The following RGS12 variants were observed in gnomAD, a reference collection of about 807,000 sequenced individuals.
The protein encoded by RGS12 is regulator of G-protein signaling 12.
RGS12 carries 66 observed loss-of-function variants against 120.1 expected under a neutral mutation model. That is an observed-to-expected ratio of 0.55 (90% CI 0.45 to 0.67). The LOEUF is 0.67. RGS12 is among the 30% of genes least tolerant of loss of function. RGS12 has a pLI of 0.00. For synonymous variants in RGS12, 827 were observed against 804.7 expected (o/e 1.03, Z -0.47); for missense variants, 1,859 against 1,957.7 (o/e 0.95, Z 0.95).
Position 3,433,113 on chromosome 4 carries a change from T to C in RGS12, c.4114+2158T>C, listed in dbSNP as rs1470838963. Among the ~76,000 whole-genome samples the C allele has an allele frequency of 6.6e-6, 1 of 152,216 alleles. No individual in the cohort carries two copies. The highest frequency in any genetic ancestry group is 2.4e-5 in the African/African-American group (1 of 41,454). ...GTGGCCTGATGGAACCTCTTTCACA[T>C]CTGTGGGCCGGGGCGAGCCTGGACT... On this transcript the variant is annotated intron_variant, in intron 17 of 17. Coordinates refer to ENST00000336727, the MANE Select transcript of RGS12 (RefSeq NM_001394154.1). The surrounding 1 kb of genome is among the most constrained non-coding windows in gnomAD (Gnocchi z 4.4).
At chr4:3,336,956 A>T (rs781581154) in intron 2 of RGS12, among the ~76,000 whole-genome samples, 14 of 151,680 alleles carry the variant, frequency 9.2e-5, no homozygotes, top group East Asian at 5.8e-4. Context: ...AAATTAAAAT[A>T]AAAAAAAATG....
chr4:3,337,870 T>C (rs1312965640), intron 2 of RGS12, among the ~76,000 whole-genome samples: 1 of 152,200 alleles, frequency 6.6e-6, no homozygotes, highest in Non-Finnish European at 1.5e-5. Flanking sequence ...ATAAATATTT[T>C]GAAAGTTTAA....
intron 3 of RGS12, among the ~76,000 whole-genome samples, chr4:3,363,818 A>G (rs1394310887): frequency 6.6e-6 from 1 of 152,100 alleles, no homozygotes; most frequent in East Asian, 1.9e-4. Flanking sequence ...CCCAGGGGTC[A>G]GGGACTGGAA....
chr4:3,306,781 C>T (rs537896117), intron 1 of RGS12, among the ~76,000 whole-genome samples: 33 of 152,038 alleles, frequency 2.2e-4, no homozygotes, highest in African/African-American at 5.8e-4. Context: ...TCCTGGGGGA[C>T]GCTGGTGGGT....
intron 17 of RGS12, 144 bp downstream of exon 17, chr4:3,431,099 C>T (rs1206317136): frequency 6.9e-7 from 1 of 1,442,326 alleles, no homozygotes; most frequent in Non-Finnish European, 9.1e-7. Flanking sequence ...TTGGGGGCTT[C>T]CTTGGCCCTC....
At chr4:3,358,887 TC>T (rs1397178775) in intron 3 of RGS12, among the ~76,000 whole-genome samples, 6 of 81,384 alleles carry the variant, frequency 7.4e-5, no homozygotes, top group African/African-American at 2.4e-4. Context: ...CTCTCCTTCC[TC>T]CCCCTTCTCC....
At chr4:3,312,682 CT>C (rs1724482160) in intron 1 of RGS12, 1 of 225,970 alleles carries the variant, frequency 4.4e-6, no homozygotes, top group Admixed American at 4.5e-5. Flanking sequence ...GATCACGGTG[CT>C]GCTGAGATTC....
rs550487744 is a variant in RGS12 at position 3,433,505 on chromosome 4, C to T, written c.4114+2550C>T. Among the ~76,000 whole-genome samples the T allele has an allele frequency of 1.3e-4, 20 of 151,558 alleles. No individual in the cohort carries two copies. Among genetic ancestry groups the T allele is most frequent in the Admixed American group, 6.6e-4 (10 of 15,240 alleles). On this transcript the variant is annotated intron_variant, in intron 17 of 17. Coordinates refer to ENST00000336727, the MANE Select transcript of RGS12 (RefSeq NM_001394154.1). This position sits in a 1 kb window ranked among gnomAD's most constrained non-coding sequence, Gnocchi z 4.4. ...CCACCCCATCCTAGCCCCAGCACCA[C>T]GTGCCATGCCACCCTGTCCTAGCCC...
At chr4:3,353,320 G>A (rs1714549732) in intron 3 of RGS12, among the ~76,000 whole-genome samples, 1 of 152,198 alleles carries the variant, frequency 6.6e-6, no homozygotes, top group African/African-American at 2.4e-5. Context: ...TCCTAGATCA[G>A]TGTGTGCACA....
chr4:3,370,541 C>G (rs556381070), intron 3 of RGS12, among the ~76,000 whole-genome samples: 2 of 152,248 alleles, frequency 1.3e-5, no homozygotes, highest in Admixed American at 6.5e-5. Context: ...CCGACACACC[C>G]GGCCGCCGGC....
intron 1 of RGS12, among the ~76,000 whole-genome samples, chr4:3,297,488 TC>T (rs1326780707): frequency 6.6e-6 from 1 of 152,198 alleles, no homozygotes; most frequent in African/African-American, 2.4e-5. Flanking sequence ...CCCACCAGCC[TC>T]CCTGTCCCTC....
At chr4:3,387,717 C>T (rs576982890) in intron 4 of RGS12, among the ~76,000 whole-genome samples, 3 of 152,246 alleles carry the variant, frequency 2.0e-5, no homozygotes, top group Admixed American at 6.5e-5. Flanking sequence ...ATAAAGTGAC[C>T]GGTGTTTTGA....
chr4:3,292,655 C>G (rs73077111), upstream of RGS12, among the ~76,000 whole-genome samples: 24,788 of 152,210 alleles, frequency 0.16, 2,552 homozygotes, highest in African/African-American at 0.29. Context: ...CTGCCCTTCG[C>G]AGGGTGTCCC....
At chr4:3,326,275 C>T (rs1725548774) in intron 2 of RGS12, among the ~76,000 whole-genome samples, 1 of 152,154 alleles carries the variant, frequency 6.6e-6, no homozygotes, top group Non-Finnish European at 1.5e-5. Context: ...GAGACAAAGT[C>T]TCGCTCTGTC....
upstream of RGS12, among the ~76,000 whole-genome samples, chr4:3,289,022 C>G (rs569022311): frequency 2.5e-4 from 38 of 152,276 alleles, 1 homozygote; most frequent in African/African-American, 8.9e-4. Flanking sequence ...CCATCAGGAT[C>G]CTGTTGCCCT....
chr4:3,317,547 TGTGG>T lies in RGS12; in HGVS notation c.1383_1386del (p.Arg463ValfsTer35). The T allele has an allele frequency of 6.2e-7, 1 of 1,609,038 alleles. No individual in the cohort carries two copies. Among genetic ancestry groups the T allele is most frequent in the Non-Finnish European group, 8.5e-7 (1 of 1,179,024 alleles). On this transcript the variant is annotated frameshift_variant, in exon 2 of 18. Coordinates refer to ENST00000336727, the MANE Select transcript of RGS12 (RefSeq NM_001394154.1). LOFTEE classifies it high-confidence loss of function. The stretch of plus-strand genomic sequence containing the variant: ...GCCCCGGAGGCAGCGCGTGGGACGG[TGTGG>T]GTGGGAGGGGTGCCCAGCCCTGGGG...
At chr4:3,414,644 G>A (rs1722136719) in intron 5 of RGS12, 108 bp from the exon 6 acceptor site, 6 of 797,072 alleles carry the variant, frequency 7.5e-6, no homozygotes, top group South Asian at 3.1e-5. Flanking sequence ...CCAGGCCCTC[G>A]GGCAGCTCAC....
At position 3,430,949 on chromosome 4, in the gene RGS12, A is replaced by G. The variant is rs750724322; in HGVS notation, c.4108A>G (p.Arg1370Gly). 6.2e-7 allele frequency: 1 copy of G among 1,612,570 alleles called. No individual in the cohort carries two copies. Among genetic ancestry groups the G allele is most frequent in the South Asian group, 1.1e-5 (1 of 91,078 alleles). ...CCCCCAGGAAGTGCCAGGACCTTCC[A>G]GACCAGGTACCTCCAGGTTCTGATC... ...STPQEVPGPS[R>G]PGSGTHGSRD... Residue 1370 changes from arginine to glycine, a missense_variant, in exon 17 of 18, where the codon AGA (arginine) becomes GGA (glycine). This residue lies in a region of RGS12 where 517 missense variants were observed against 488.5 expected (regional missense o/e 1.06). Transcript: ENST00000336727.
chr4:3,398,626 A>G (rs1333246786), intron 4 of RGS12, among the ~76,000 whole-genome samples: 1 of 152,232 alleles, frequency 6.6e-6, no homozygotes, highest in Non-Finnish European at 1.5e-5. Context: ...AGTGTGCACC[A>G]AAAGTAGCAT....
Sources: gnomAD v4.1 joint callset for allele counts (sites outside exome capture counted in the v4.1 genomes callset) on GRCh38, gnomAD v4.1.1 for gene constraint, gnomAD v4.1.1 regional missense constraint, Gnocchi (gnomAD v3.1) non-coding constraint, MANE v1.5 for transcripts, NCBI Gene and HGNC (gene_info 2026-07-23, HGNC 2026-07-21) for gene names.